RPS6KA2: variants seen among roughly 807,000 people sequenced by gnomAD.
RPS6KA2 encodes the protein ribosomal protein S6 kinase A2, also known as ribosomal protein S6 kinase alpha-2.
In RPS6KA2, 42 loss-of-function variants were observed where a neutral mutation model predicts 91.8. The observed-to-expected ratio is 0.46, with a 90% confidence interval of 0.36 to 0.59. RPS6KA2 has a LOEUF of 0.59. Among genes scored for constraint, RPS6KA2 ranks in the 20% least tolerant of loss-of-function variants. The pLI is 0.00. For missense variants in RPS6KA2, 798 were observed against 978.5 expected (o/e 0.82, Z 2.46); for synonymous variants, 414 against 393.6 (o/e 1.05, Z -0.61).
intron 1 of RPS6KA2, among the ~76,000 whole-genome samples, chr6:166,575,440 A>T (rs552030540): frequency 6.6e-6 from 1 of 152,118 alleles, no homozygotes; most frequent in African/African-American, 2.4e-5. Flanking sequence ...AAGGTTGCTC[A>T]TTTCCGGTTC....
intron 2 of RPS6KA2, among the ~76,000 whole-genome samples, chr6:166,808,403 C>T (rs1395552125): frequency 6.6e-6 from 1 of 152,202 alleles, no homozygotes; most frequent in Non-Finnish European, 1.5e-5. Flanking sequence ...TGAGTGTGAG[C>T]TGTACAATTG....
intron 2 of RPS6KA2, among the ~76,000 whole-genome samples, chr6:166,644,033 T>G (rs1321530086): frequency 1.3e-5 from 2 of 152,222 alleles, no homozygotes; most frequent in Admixed American, 1.3e-4. Flanking sequence ...GGCAGCCAGA[T>G]GGCCACTACT....
chr6:166,430,703 G>A (rs1779098775), intron 15 of RPS6KA2, 92 bp from the exon 16 acceptor site: 1 of 1,328,702 alleles, frequency 7.5e-7, no homozygotes, highest in Non-Finnish European at 1.0e-6. Context: ...GAAGTCAGAG[G>A]GGAGAGGCTG....
intron 2 of RPS6KA2, among the ~76,000 whole-genome samples, chr6:166,810,924 CA>C (rs1253292495): frequency 4.6e-5 from 7 of 152,194 alleles, no homozygotes; most frequent in African/African-American, 1.7e-4. Flanking sequence ...GAGACAGTGA[CA>C]ACTTCATACA....
At chr6:166,553,756 C>G (rs1784092677) in intron 1 of RPS6KA2, among the ~76,000 whole-genome samples, 1 of 152,104 alleles carries the variant, frequency 6.6e-6, no homozygotes, top group African/African-American at 2.4e-5. Flanking sequence ...ACAGACTTGG[C>G]TAATTTCTGC....
intron 1 of RPS6KA2, among the ~76,000 whole-genome samples, chr6:166,601,651 A>G (rs1488845915): frequency 1.3e-5 from 2 of 152,250 alleles, no homozygotes; most frequent in East Asian, 3.8e-4. Context: ...AAATGGAGAA[A>G]GGATGAACAA....
chr6:166,648,099 TAC>T lies in RPS6KA2; in HGVS notation c.124-109317_124-109316del, dbSNP rs746939584. ...GCACATGGTCATACACACACGCTCA[TAC>T]ACACACGTGCACACACACGCTCATA... On this transcript the variant is annotated intron_variant, in intron 2 of 21. Transcript: ENST00000503859. The surrounding 1 kb of genome is among the most constrained non-coding windows in gnomAD (Gnocchi z 4.8). 2.8e-4 allele frequency among the ~76,000 whole-genome samples: 30 copies of T among 106,246 alleles called. No individual in the cohort carries two copies. Among genetic ancestry groups the T allele is most frequent in the South Asian group, 1.0e-3 (3 of 2,882 alleles). The allele number at this position is 106,246 out of a possible 152,430, so 69.7% of individuals were successfully genotyped here.
chr6:166,748,549 TGGGCCCCCACCTCCTCAGGCCCCCACCTC>T, intron 2 of RPS6KA2, among the ~76,000 whole-genome samples: 1 of 66,412 alleles, frequency 1.5e-5, no homozygotes. Flanking sequence ...CCCATCCCCT[TGGGCCCCCACCTCCTCAGGCCCCCACCTC>T]CTCGGGCCCC....
chr6:166,689,175 G>GT (rs1420912666), intron 2 of RPS6KA2, among the ~76,000 whole-genome samples: 1 of 152,238 alleles, frequency 6.6e-6, no homozygotes, highest in African/African-American at 2.4e-5. Flanking sequence ...CGCTTTCTCA[G>GT]TGCCGAGCAC....
At chr6:166,570,657 TAC>T (rs1252518220) in intron 1 of RPS6KA2, among the ~76,000 whole-genome samples, 1 of 152,060 alleles carries the variant, frequency 6.6e-6, no homozygotes, top group African/African-American at 2.4e-5. Flanking sequence ...CAAAAAGAAA[TAC>T]ACACATAAAT....
intron 2 of RPS6KA2, among the ~76,000 whole-genome samples, chr6:166,673,546 G>A (rs1278201949): frequency 1.3e-5 from 2 of 152,124 alleles, no homozygotes; most frequent in East Asian, 3.9e-4. Context: ...GAGCCCATGG[G>A]GCCAGCTGCT....
chr6:166,604,078 C>T (rs1327946431), intron 1 of RPS6KA2, among the ~76,000 whole-genome samples: 1 of 152,204 alleles, frequency 6.6e-6, no homozygotes, highest in Non-Finnish European at 1.5e-5. Context: ...CTGATTAACC[C>T]TCCATGGAAA....
chr6:166,861,262 A>G (rs963341385), intron 1 of RPS6KA2, among the ~76,000 whole-genome samples: 25 of 152,274 alleles, frequency 1.6e-4, no homozygotes, highest in Admixed American at 1.6e-3. Context: ...GGAGATAGGC[A>G]AAAATTAAAT....
chr6:166,640,830 C>T (rs933043175), intron 2 of RPS6KA2, among the ~76,000 whole-genome samples: 3 of 151,920 alleles, frequency 2.0e-5, no homozygotes, highest in Non-Finnish European at 4.4e-5. Flanking sequence ...GGGTCGGATC[C>T]GAGTCGGCAT....
At chr6:166,637,697 C>T (rs1375692492) in intron 2 of RPS6KA2, among the ~76,000 whole-genome samples, 1 of 152,226 alleles carries the variant, frequency 6.6e-6, no homozygotes, top group Non-Finnish European at 1.5e-5. Context: ...GAGAAGGGGG[C>T]GTTTGTCCCA....
intron 1 of RPS6KA2, among the ~76,000 whole-genome samples, chr6:166,621,661 A>C (rs1231377178): frequency 6.6e-6 from 1 of 152,210 alleles, no homozygotes; most frequent in African/African-American, 2.4e-5. Flanking sequence ...TTATTTAATA[A>C]GCACAGATCC....
At chr6:166,429,968 T>C (rs1388810936) in intron 16 of RPS6KA2, among the ~76,000 whole-genome samples, 2 of 151,748 alleles carry the variant, frequency 1.3e-5, no homozygotes, top group Admixed American at 6.6e-5. Context: ...TTTTCTTTTT[T>C]TTTTTTTGAG....
In RPS6KA2 at chr6:166,626,911, G is replaced by A. The variant is rs1227845027; in HGVS notation, c.99+10C>T. On this transcript the variant is annotated intron_variant, in intron 1 of 20. Coordinates refer to ENST00000265678, the MANE Select transcript of RPS6KA2 (RefSeq NM_021135.6). This position sits in a 1 kb window ranked among gnomAD's most constrained non-coding sequence, Gnocchi z 4.1. ...CCGGCACCTGCGCGCCCCGAGGGCG[G>A]CCGCATTACCTCGAGCCGGCTCAGG... The A allele has an allele frequency of 1.3e-6, 2 of 1,504,512 alleles. No individual in the cohort carries two copies. The highest frequency in any genetic ancestry group is 1.8e-6 in the Non-Finnish European group (2 of 1,122,390). The allele number at this position is 1,504,512 out of a possible 1,614,324, so 93.2% of individuals were successfully genotyped here.
intron 5 of RPS6KA2, among the ~76,000 whole-genome samples, chr6:166,507,380 A>ACT: frequency 6.6e-6 from 1 of 150,732 alleles, no homozygotes; most frequent in East Asian, 2.0e-4. Context: ...ACACACACAC[A>ACT]CACACACACC....
Sources: gnomAD v4.1 joint callset for allele counts (sites outside exome capture counted in the v4.1 genomes callset) on GRCh38, gnomAD v4.1.1 for gene constraint, Gnocchi (gnomAD v3.1) non-coding constraint, MANE v1.5 for transcripts, NCBI Gene and HGNC (gene_info 2026-07-23, HGNC 2026-07-21) for gene names.